The following ADGRB3 variants were observed in gnomAD, a reference collection of about 807,000 sequenced individuals.
ADGRB3 encodes the protein adhesion G protein-coupled receptor B3.
Under a neutral mutation model 193.4 loss-of-function variants are expected in ADGRB3, and 37 were observed. The ratio of observed to expected loss-of-function variants is 0.19; its 90% CI spans 0.15 to 0.25. ADGRB3 has a LOEUF of 0.25. Ranked by LOEUF, ADGRB3 falls within the 10% of genes least tolerant of loss-of-function variation. The pLI, the probability that ADGRB3 is intolerant of heterozygous loss-of-function variation, is 1.00. For synonymous variants in ADGRB3, 690 were observed against 644.2 expected, an observed-to-expected ratio of 1.07 and a Z score of -1.08; for missense variants, 1,637 against 1,852.9, an observed-to-expected ratio of 0.88 and a Z score of 2.14.
chr6:69,205,457 C>CA (rs1455189406), intron 17 of ADGRB3, among the ~76,000 whole-genome samples: 2 of 149,104 alleles, frequency 1.3e-5, no homozygotes, highest in African/African-American at 2.5e-5. Context: ...ACAAACAAAT[C>CA]AAAAAAAGTA....
At chr6:68,893,848 T>C (rs1766147250) in intron 3 of ADGRB3, among the ~76,000 whole-genome samples, 1 of 152,016 alleles carries the variant, frequency 6.6e-6, no homozygotes, top group Non-Finnish European at 1.5e-5. Flanking sequence ...ATTCTAACCC[T>C]AACTTTATTC....
At chr6:69,058,861 A>T (rs575665499) in intron 15 of ADGRB3, among the ~76,000 whole-genome samples, 6 of 152,198 alleles carry the variant, frequency 3.9e-5, no homozygotes, top group African/African-American at 1.4e-4. Flanking sequence ...TTTGTGGCTT[A>T]ACATGTGGTC....
intron 16 of ADGRB3, among the ~76,000 whole-genome samples, chr6:69,073,002 C>T (rs1363787943): frequency 6.6e-6 from 1 of 152,124 alleles, no homozygotes; most frequent in Non-Finnish European, 1.5e-5. Flanking sequence ...CAGATAAGAA[C>T]CCATTTCTTC....
intron 5 of ADGRB3, among the ~76,000 whole-genome samples, chr6:68,937,411 T>A (rs1767513269): frequency 6.6e-6 from 1 of 152,200 alleles, no homozygotes; most frequent in Non-Finnish European, 1.5e-5. Context: ...ATAATAGGAC[T>A]CTGGGCTTTG....
At chr6:69,338,477 G>C (rs1768899946) in intron 24 of ADGRB3, among the ~76,000 whole-genome samples, 1 of 152,172 alleles carries the variant, frequency 6.6e-6, no homozygotes, top group Admixed American at 6.5e-5. Context: ...TTGGACTTCT[G>C]AGATAATTAT....
intron 23 of ADGRB3, chr6:69,332,450 G>A (rs1582637971): frequency 4.1e-6 from 4 of 985,384 alleles, no homozygotes; most frequent in Middle Eastern, 1.0e-3. Flanking sequence ...ACAGCATGAG[G>A]AATTTAAGCA....
chr6:69,012,857 A>G (rs559513387), intron 11 of ADGRB3, among the ~76,000 whole-genome samples: 3 of 152,036 alleles, frequency 2.0e-5, no homozygotes, highest in Non-Finnish European at 4.4e-5. Context: ...GAGAAGCTGG[A>G]TAGGGAGGAA....
intron 3 of ADGRB3, among the ~76,000 whole-genome samples, chr6:68,645,754 C>T (rs1768195331): frequency 6.6e-6 from 1 of 152,056 alleles, no homozygotes; most frequent in Non-Finnish European, 1.5e-5. Flanking sequence ...CTCACTGCAA[C>T]CTCCGCTTCC....
intron 3 of ADGRB3, among the ~76,000 whole-genome samples, chr6:68,859,250 G>T (rs1378073168): frequency 6.6e-6 from 1 of 152,120 alleles, no homozygotes; most frequent in African/African-American, 2.4e-5. Context: ...GCCTGTTATT[G>T]TCCATATCAC....
At chr6:69,253,425 T>C (rs1178578448) in intron 20 of ADGRB3, among the ~76,000 whole-genome samples, 1 of 152,104 alleles carries the variant, frequency 6.6e-6, no homozygotes, top group Admixed American at 6.6e-5. Flanking sequence ...ATTCTTTTGA[T>C]AACTTATTAA....
At chr6:68,810,810 T>C (rs147311905) in intron 3 of ADGRB3, among the ~76,000 whole-genome samples, 94 of 151,748 alleles carry the variant, frequency 6.2e-4, no homozygotes, top group African/African-American at 2.0e-3. Flanking sequence ...GCAAGAAAAA[T>C]AGGAAAAATA....
intron 3 of ADGRB3, among the ~76,000 whole-genome samples, chr6:68,745,641 T>C (rs1354621051): frequency 6.6e-6 from 1 of 151,996 alleles, no homozygotes; most frequent in Non-Finnish European, 1.5e-5. Flanking sequence ...TATATATATA[T>C]GTCATATATG....
intron 17 of ADGRB3, among the ~76,000 whole-genome samples, chr6:69,081,259 T>G (rs182357618): frequency 2.1e-3 from 324 of 151,942 alleles, no homozygotes; most frequent in Non-Finnish European, 3.2e-3. Flanking sequence ...ATATTCACAC[T>G]GAAAATACTG....
chr6:69,306,280 T>C (rs140736277), intron 20 of ADGRB3, among the ~76,000 whole-genome samples: 2,410 of 145,248 alleles, frequency 0.017, 112 homozygotes, highest in African/African-American at 0.062. Flanking sequence ...GTTGTCACGA[T>C]ATATTGCCAT....
At chr6:69,288,294 G>A (rs770346782) in intron 20 of ADGRB3, among the ~76,000 whole-genome samples, 4 of 152,196 alleles carry the variant, frequency 2.6e-5, no homozygotes, top group South Asian at 2.1e-4. Context: ...GAGAACATGC[G>A]GTGTTTGGTT....
chr6:68,964,766 A>T (rs1273300658), intron 8 of ADGRB3, among the ~76,000 whole-genome samples: 1 of 152,190 alleles, frequency 6.6e-6, no homozygotes. Flanking sequence ...TATATATAAC[A>T]CTGTCCACCA....
intron 6 of ADGRB3, among the ~76,000 whole-genome samples, chr6:68,946,141 T>C (rs1382417604): frequency 2.6e-5 from 4 of 152,276 alleles, no homozygotes; most frequent in African/African-American, 7.2e-5. Flanking sequence ...AGAATTCTTA[T>C]CACATTGTAT....
At chr6:68,821,663 T>A (rs1317022454) in intron 3 of ADGRB3, among the ~76,000 whole-genome samples, 1 of 151,840 alleles carries the variant, frequency 6.6e-6, no homozygotes, top group East Asian at 1.9e-4. Flanking sequence ...CTTTCTTGCA[T>A]AGTGTCATAT....
intron 20 of ADGRB3, among the ~76,000 whole-genome samples, chr6:69,272,809 C>T (rs150355619): frequency 4.8e-4 from 73 of 152,310 alleles, no homozygotes; most frequent in African/African-American, 1.7e-3. Context: ...TGCCTGTTCC[C>T]TGGCAGCTAG....
Sources: allele counts gnomAD v4.1 joint callset (sites outside exome capture counted in the v4.1 genomes callset), GRCh38; gene constraint gnomAD v4.1.1; transcripts MANE v1.5; gene names NCBI Gene and HGNC (gene_info 2026-07-23, HGNC 2026-07-21).